Variants in TRANK1 observed in about 807,000 individuals in gnomAD.
TRANK1 encodes the protein TPR and ankyrin repeat-containing protein 1.
TRANK1 carries 198 observed loss-of-function variants against 266.0 expected under a neutral mutation model. That is an observed-to-expected ratio of 0.74 (90% CI 0.66 to 0.84). The LOEUF (loss-of-function observed/expected upper bound fraction) is 0.84. TRANK1 is among the 40% of genes least tolerant of loss of function. The pLI is 0.00. For synonymous variants in TRANK1, 1,396 were observed against 1,384.1 expected (o/e 1.01, Z -0.19); for missense variants, 3,326 against 3,634.6 (o/e 0.92, Z 2.18).
intron 13 of TRANK1, among the ~76,000 whole-genome samples, chr3:36,853,995 TC>T (rs2079017341): frequency 6.6e-6 from 1 of 152,190 alleles, no homozygotes. Flanking sequence ...ACTGAACATT[TC>T]AAATGGGTGC....
rs772749350 is a variant in TRANK1 at position 36,855,431 on chromosome 3, T to C, written c.4291A>G (p.Ile1431Val). 3.0e-5 allele frequency: 48 copies of C among 1,613,896 alleles called. No individual in the cohort carries two copies. Among genetic ancestry groups the C allele is most frequent in the Non-Finnish European group, 3.5e-5 (41 of 1,179,898 alleles). The change falls in exon 13 of 24, where the codon ATC becomes GTC. Residue 1431 changes from isoleucine (I) to valine (V), a missense_variant. Coordinates refer to ENST00000645898, the MANE Select transcript of TRANK1 (RefSeq NM_001329998.2). ...ATCTCATCACCATAGAGCTCGTGGA[T>C]GGACCATGGGAGCACCCTGAGCTTC... The part of the protein sequence containing the change: ...LSKLRVLPWS[I>V]HELYGDEIQD...
chr3:36,837,685 A>T (rs2078788775), intron 20 of TRANK1, among the ~76,000 whole-genome samples: 1 of 152,232 alleles, frequency 6.6e-6, no homozygotes, highest in Non-Finnish European at 1.5e-5. Context: ...AAATGGCAAT[A>T]AAAAAATTCT....
At chr3:36,941,384 C>CATGCT (rs2080494439) in intron 1 of TRANK1, among the ~76,000 whole-genome samples, 1 of 152,194 alleles carries the variant, frequency 6.6e-6, no homozygotes, top group South Asian at 2.1e-4. Context: ...CTCACACAAG[C>CATGCT]ATGCTATGGT....
At chr3:36,920,247 T>C (rs1575318239) in intron 1 of TRANK1, among the ~76,000 whole-genome samples, 1 of 152,218 alleles carries the variant, frequency 6.6e-6, no homozygotes, top group Non-Finnish European at 1.5e-5. Context: ...TAACAGTTAA[T>C]GATATTTATA....
At chr3:36,841,982 C>T (rs1488800517) in intron 18 of TRANK1, among the ~76,000 whole-genome samples, 3 of 152,042 alleles carry the variant, frequency 2.0e-5, no homozygotes, top group Non-Finnish European at 4.4e-5. Context: ...GGGAGACACA[C>T]ATCCCAGCCA....
chr3:36,918,555 G>GT, intron 1 of TRANK1, among the ~76,000 whole-genome samples: 1 of 56,996 alleles, frequency 1.8e-5, no homozygotes, highest in African/African-American at 6.7e-5. Context: ...AGGAAGGAAG[G>GT]AAGGAAGGTA....
intron 9 of TRANK1, among the ~76,000 whole-genome samples, chr3:36,865,024 G>GTTTTTTT (rs34540496): frequency 1.7e-5 from 2 of 119,806 alleles, no homozygotes; most frequent in African/African-American, 3.4e-5. Context: ...TGTTTTTTTG[G>GTTTTTTT]TTTTTTTTTT....
At chr3:36,838,049 G>C (rs771981652) in intron 20 of TRANK1, among the ~76,000 whole-genome samples, 1 of 152,172 alleles carries the variant, frequency 6.6e-6, no homozygotes, top group Non-Finnish European at 1.5e-5. Context: ...GGAACACAGA[G>C]AAAGAAAAGG....
intron 9 of TRANK1, among the ~76,000 whole-genome samples, chr3:36,873,159 G>A (rs77370184): frequency 3.9e-5 from 6 of 152,172 alleles, no homozygotes; most frequent in Admixed American, 2.6e-4. Flanking sequence ...TGGGAGGCAG[G>A]GGGGAGTGTA....
chr3:36,919,054 A>G (rs1409825278), intron 1 of TRANK1, among the ~76,000 whole-genome samples: 1 of 152,266 alleles, frequency 6.6e-6, no homozygotes, highest in Non-Finnish European at 1.5e-5. Flanking sequence ...AAATGGTCAA[A>G]CAACATACAG....
chr3:36,876,609 C>G (rs2079391679), intron 8 of TRANK1, among the ~76,000 whole-genome samples: 2 of 152,226 alleles, frequency 1.3e-5, no homozygotes, highest in African/African-American at 4.8e-5. Context: ...TAACCACAAA[C>G]CGCTACAGAT....
rs2079075840 is a variant in TRANK1, at chr3:36,857,561, C to T, written c.2161G>A (p.Gly721Arg). 3 of 1,613,948 alleles carry T rather than the reference C, an allele frequency of 1.9e-6. No homozygotes were observed. Among genetic ancestry groups the T allele is most frequent in the Middle Eastern group, 1.6e-4 (1 of 6,084 alleles). ...CTCAGCGAGCAGGGCCTGAGAGCTC[C>T]AGGCTCCTTCCTGGTCACCTGGGTA... Reference protein sequence around the residue: ...PGTQVTRKEPGALRPCSLRDC... With the variant: ...PGTQVTRKEPRALRPCSLRDC... Residue 721 changes from glycine to arginine, a missense_variant, in exon 13 of 24, where the codon GGA becomes AGA. Gly to Arg is a moderately radical substitution (Grantham distance 125). Coordinates refer to ENST00000645898, the MANE Select transcript of TRANK1 (RefSeq NM_001329998.2). This position sits in a 1 kb window ranked among gnomAD's most constrained non-coding sequence, Gnocchi z 4.3.
At chr3:36,915,456 A>G (rs1316234219) in intron 1 of TRANK1, among the ~76,000 whole-genome samples, 2 of 152,214 alleles carry the variant, frequency 1.3e-5, no homozygotes. Context: ...GTCATCCTAC[A>G]GTGATAAAGA....
intron 7 of TRANK1, 98 bp from the exon 8 acceptor site, chr3:36,890,058 A>T (rs2079666199): frequency 1.4e-6 from 2 of 1,461,472 alleles, no homozygotes; most frequent in African/African-American, 2.8e-5. Flanking sequence ...AAAGAAAGAA[A>T]ATCAGCAAAG....
At chr3:36,889,982 T>C in intron 7 of TRANK1, 22 bp from the exon 8 acceptor site, 1 of 1,534,382 alleles carries the variant, frequency 6.5e-7, no homozygotes, top group Non-Finnish European at 8.7e-7. Context: ...TAAAATGACT[T>C]ACTAATGTTT....
At chr3:36,840,944 A>G (rs1487489694) in intron 18 of TRANK1, among the ~76,000 whole-genome samples, 1 of 152,266 alleles carries the variant, frequency 6.6e-6, no homozygotes, top group African/African-American at 2.4e-5. Flanking sequence ...GAAGTAACTG[A>G]TAAATCCCAG....
At position 36,839,737 on chromosome 3, in the gene TRANK1, C is replaced by A. The variant is rs1027764837; in HGVS notation, c.5281-1021G>T. Reference sequence around the variant, plus strand: ...TCATCTGTGACACCTGCAACAGCTGCAGCTGTGCATTGGTCTATATGCCTG... The same window carrying A: ...TCATCTGTGACACCTGCAACAGCTGAAGCTGTGCATTGGTCTATATGCCTG... On this transcript the variant is annotated intron_variant, in intron 18 of 23. Transcript: ENST00000645898. Among the ~76,000 whole-genome samples, 6 of 152,218 alleles carry A rather than the reference C, an allele frequency of 3.9e-5. 1 individual carries two copies. Among genetic ancestry groups the A allele is most frequent in the Admixed American group, 3.9e-4 (6 of 15,286 alleles).
At chr3:36,915,844 A>T (rs2080116742) in intron 1 of TRANK1, among the ~76,000 whole-genome samples, 1 of 152,218 alleles carries the variant, frequency 6.6e-6, no homozygotes, top group African/African-American at 2.4e-5. Flanking sequence ...TAGCCCAGTG[A>T]CGAGGACAGT....
intron 1 of TRANK1, among the ~76,000 whole-genome samples, chr3:36,931,993 AGAGAGACTT>A (rs1468159857): frequency 1.3e-5 from 2 of 152,228 alleles, no homozygotes; most frequent in African/African-American, 4.8e-5. Context: ...AGAACACAGG[AGAGAGACTT>A]TTCTTCATAA....
Sources: gnomAD v4.1 joint callset for allele counts (sites outside exome capture counted in the v4.1 genomes callset) on GRCh38, gnomAD v4.1.1 for gene constraint, Gnocchi (gnomAD v3.1) non-coding constraint, MANE v1.5 for transcripts, NCBI Gene and HGNC (gene_info 2026-07-23, HGNC 2026-07-21) for gene names.